CNTNAP4: variants seen among roughly 807,000 people sequenced by gnomAD.
CNTNAP4 encodes contactin-associated protein-like 4.
A neutral mutation model predicts 148.4 loss-of-function variants in CNTNAP4; 98 were observed. The observed-to-expected ratio is 0.66, with a 90% CI of 0.56 to 0.78. CNTNAP4 has a LOEUF of 0.78. Among genes scored for constraint, CNTNAP4 ranks in the 30% least tolerant of loss-of-function variants. The pLI is 0.00. For missense variants in CNTNAP4, 1,935 were observed against 1,565.6 expected, an observed-to-expected ratio of 1.24 and a Z score of -3.98; for synonymous variants, 730 against 565.1, an observed-to-expected ratio of 1.29 and a Z score of -4.14.
chr16:76,495,531 G>A (rs193203650), intron 14 of CNTNAP4, among the ~76,000 whole-genome samples: 30 of 151,856 alleles, frequency 2.0e-4, no homozygotes, highest in African/African-American at 7.2e-4. Flanking sequence ...AATGTTCTGT[G>A]GATTATATTT....
chr16:76,351,418 A>G (rs1012714430), intron 2 of CNTNAP4, among the ~76,000 whole-genome samples: 1 of 152,176 alleles, frequency 6.6e-6, no homozygotes, highest in African/African-American at 2.4e-5. Flanking sequence ...CGCTCAGTCT[A>G]TCTGTCTAGC....
chr16:76,424,810 A>G (rs1329922394), intron 3 of CNTNAP4, among the ~76,000 whole-genome samples: 5 of 152,098 alleles, frequency 3.3e-5, no homozygotes, highest in African/African-American at 7.2e-5. Flanking sequence ...ACACACACCC[A>G]AAGAGAAAGA....
In CNTNAP4 at chr16:76,521,181, T is replaced by C; in HGVS notation, c.2407T>C (p.Tyr803His). Residue 803 changes from tyrosine (Y) to histidine (H), a missense_variant, in exon 16 of 24, where the codon TAT becomes CAT. Coordinates refer to ENST00000611870, the MANE Select transcript of CNTNAP4 (RefSeq NM_033401.5). ...NSASFDTEAS[Y>H]LHFPTFHGEL... ...AGCTTCCTTTGATACCGAGGCTTCA[T>C]ATCTTCATTTTCCTACCTTCCACGG... 1 of 1,610,430 alleles carries C rather than the reference T, an allele frequency of 6.2e-7. No individual in the cohort carries two copies. Among genetic ancestry groups the C allele is most frequent in the Non-Finnish European group, 8.5e-7 (1 of 1,178,946 alleles).
At chr16:76,499,712 C>A (rs1057496053) in intron 15 of CNTNAP4, among the ~76,000 whole-genome samples, 1 of 149,788 alleles carries the variant, frequency 6.7e-6, no homozygotes, top group Non-Finnish European at 1.5e-5. Flanking sequence ...TGCTGCCTTC[C>A]GCAGTGTTTG....
chr16:76,488,582 G>T (rs1568371519), intron 12 of CNTNAP4, among the ~76,000 whole-genome samples: 1 of 152,062 alleles, frequency 6.6e-6, no homozygotes, highest in South Asian at 2.1e-4. Flanking sequence ...AAAGAGAGGG[G>T]AAAGTTTTGC....
chr16:76,317,658 T>C (rs1490386292), intron 2 of CNTNAP4, among the ~76,000 whole-genome samples: 1 of 152,212 alleles, frequency 6.6e-6, no homozygotes, highest in Non-Finnish European at 1.5e-5. Flanking sequence ...ATCCTTAATA[T>C]GTGCTTAATG....
At chr16:76,403,836 T>C (rs1268609678) in intron 3 of CNTNAP4, among the ~76,000 whole-genome samples, 1 of 152,134 alleles carries the variant, frequency 6.6e-6, no homozygotes, top group Non-Finnish European at 1.5e-5. Flanking sequence ...GAAAATATGG[T>C]ACATATACAT....
intron 1 of CNTNAP4, among the ~76,000 whole-genome samples, chr16:76,300,832 T>C (rs1031077974): frequency 6.6e-6 from 1 of 152,148 alleles, no homozygotes; most frequent in Non-Finnish European, 1.5e-5. Flanking sequence ...TGAAATCAAT[T>C]TGCAGTACAT....
chr16:76,512,716 CAG>C (rs1320537772), intron 15 of CNTNAP4, among the ~76,000 whole-genome samples: 12 of 151,972 alleles, frequency 7.9e-5, no homozygotes, highest in Non-Finnish European at 1.2e-4. Flanking sequence ...GAAATAACAA[CAG>C]GGCTTTGGGG....
chr16:76,380,420 G>T (rs1293242562), intron 3 of CNTNAP4, among the ~76,000 whole-genome samples: 1 of 152,128 alleles, frequency 6.6e-6, no homozygotes, highest in Non-Finnish European at 1.5e-5. Flanking sequence ...AGTTCCCAAT[G>T]CTTTCCTTCA....
At chr16:76,433,015 C>T (rs74424425) in intron 4 of CNTNAP4, among the ~76,000 whole-genome samples, 9 of 152,116 alleles carry the variant, frequency 5.9e-5, no homozygotes, top group Non-Finnish European at 8.8e-5. Flanking sequence ...GCATAGAAAT[C>T]TCTGCTTCTG....
intron 12 of CNTNAP4, among the ~76,000 whole-genome samples, chr16:76,488,341 A>G (rs1377924055): frequency 6.6e-6 from 1 of 152,158 alleles, no homozygotes; most frequent in Non-Finnish European, 1.5e-5. Flanking sequence ...AGAGCATTCT[A>G]CTGTTGAAGG....
At chr16:76,367,629 C>G (rs1330095446) in intron 3 of CNTNAP4, among the ~76,000 whole-genome samples, 1 of 152,116 alleles carries the variant, frequency 6.6e-6, no homozygotes, top group Non-Finnish European at 1.5e-5. Flanking sequence ...TAATAAAGGG[C>G]AGGCAACCAC....
chr16:76,307,795 G>T (rs953740913), intron 1 of CNTNAP4, among the ~76,000 whole-genome samples: 3 of 151,992 alleles, frequency 2.0e-5, no homozygotes, highest in Admixed American at 6.6e-5. Context: ...AAATCAATCA[G>T]CCCCTGGCTG....
At chr16:76,357,706 A>C (rs1281089314) in intron 3 of CNTNAP4, among the ~76,000 whole-genome samples, 1 of 152,176 alleles carries the variant, frequency 6.6e-6, no homozygotes, top group Non-Finnish European at 1.5e-5. Context: ...AATAAAATGC[A>C]CTTTCTTGTA....
intron 18 of CNTNAP4, 41 bp from the exon 19 acceptor site, chr16:76,538,075 C>T: frequency 2.2e-6 from 2 of 925,230 alleles, no homozygotes; most frequent in Non-Finnish European, 2.9e-6. Context: ...AATCCTTGTA[C>T]TTAAAATTTT....
chr16:76,541,905 C>G (rs2084475569), intron 21 of CNTNAP4, among the ~76,000 whole-genome samples: 1 of 152,164 alleles, frequency 6.6e-6, no homozygotes. Context: ...GGAAGCTTAA[C>G]TGAAAAATTC....
intron 3 of CNTNAP4, among the ~76,000 whole-genome samples, chr16:76,420,274 G>GAATAATGTATATTCTATAGT (rs2079139706): frequency 1.4e-5 from 1 of 73,096 alleles, no homozygotes; most frequent in Non-Finnish European, 3.7e-5. Context: ...TATTCTATAG[G>GAATAATGTATATTCTATAGT]AGATAAATAT....
rs548398798 is a variant in CNTNAP4 at position 76,431,653 on chromosome 16, T to C, written c.538+4054T>C. 1.8e-4 allele frequency among the ~76,000 whole-genome samples: 27 copies of C among 152,298 alleles called. No homozygotes were observed. In the East Asian group the frequency reaches 5.2e-3, roughly 29 times the overall value. On this transcript the variant is annotated intron_variant, in intron 4 of 23. Transcript: ENST00000611870. ...GAAATCATCCCACTGCACTTCAGCC[T>C]GGGCAGCAGAGTGAGACTCTGTCTC...
Sources: gnomAD v4.1 joint callset for allele counts (sites outside exome capture counted in the v4.1 genomes callset) on GRCh38, gnomAD v4.1.1 for gene constraint, MANE v1.5 for transcripts, NCBI Gene and HGNC (gene_info 2026-07-23, HGNC 2026-07-21) for gene names.